CHRND: variants seen among roughly 807,000 people sequenced by gnomAD.
CHRND encodes the protein cholinergic receptor nicotinic delta subunit, also known as acetylcholine receptor subunit delta.
In CHRND, 40 loss-of-function variants were observed where a neutral mutation model predicts 57.8. The observed-to-expected ratio is 0.69, with a 90% CI of 0.54 to 0.90. The LOEUF (loss-of-function observed/expected upper bound fraction) is 0.90, where lower values mean the gene tolerates loss of function less well. Among genes scored for constraint, CHRND ranks in the 40% least tolerant of loss-of-function variants. The probability of loss-of-function intolerance (pLI) is 0.00; values close to 1 mark genes in which losing one functional copy is unlikely to be tolerated. For synonymous variants in CHRND, 237 were observed against 270.6 expected (o/e 0.88, Z 1.22); for missense variants, 634 against 673.9 (o/e 0.94, Z 0.66).
chr2:232,532,416 C>T (rs1273115515), intron 9 of CHRND, among the ~76,000 whole-genome samples: 4 of 143,428 alleles, frequency 2.8e-5, no homozygotes, highest in African/African-American at 1.0e-4. Context: ...TGCAGTGAGC[C>T]GAGATCTCAC....
rs143246852 is a variant in CHRND at position 232,534,008 on chromosome 2, G to T, written c.1125G>T (p.Val375=). Residue 375 remains valine (V), a synonymous_variant, in exon 10 of 12, where the codon GTG becomes GTT. Coordinates refer to ENST00000258385, the MANE Select transcript of CHRND (RefSeq NM_000751.3). The stretch of plus-strand genomic sequence containing the variant: ...ATGGACCCAGCCCTGGGGCCCTGGT[G>T]CGGAGGAGCAGCTCCCTGGGATACA... ...AEDGPSPGAL[V]RRSSSLGYIS... 3 of 1,613,904 alleles carry T rather than the reference G, an allele frequency of 1.9e-6. No homozygotes were observed. The highest frequency in any genetic ancestry group is 2.5e-6 in the Non-Finnish European group (3 of 1,180,058).
chr2:232,536,624 A>C lies in CHRND; in HGVS notation c.*1312A>C, dbSNP rs1332804399. On this transcript the variant is annotated 3_prime_UTR_variant, in exon 12 of 12. Transcript: ENST00000258385. ...AGTGACTCCTGGATTCCTGACCCCCAGAAACTGTGTGAGATAATAAATGTG... is the reference window on the plus strand; with the variant it reads ...AGTGACTCCTGGATTCCTGACCCCCCGAAACTGTGTGAGATAATAAATGTG... 2.7e-6 allele frequency: 1 copy of C among 365,574 alleles called. No individual in the cohort carries two copies. Among genetic ancestry groups the C allele is most frequent in the Non-Finnish European group, 5.4e-6 (1 of 185,684 alleles). 22.6% of individuals were successfully genotyped at this position (365,574 alleles called of 1,614,324 possible). A position where few individuals can be genotyped will look rare whatever the true frequency, so the allele number is the denominator to read the frequency against.
Position 232,535,417 on chromosome 2 carries a change from G to C in CHRND, c.*105G>C, listed in dbSNP as rs1156735566. 5 of 1,413,272 alleles carry C rather than the reference G, an allele frequency of 3.5e-6. No homozygotes were observed. Among genetic ancestry groups the C allele is most frequent in the African/African-American group, 1.4e-5 (1 of 70,902 alleles). The allele number at this position is 1,413,272 out of a possible 1,614,324, so 87.5% of individuals were successfully genotyped here. On this transcript the variant is annotated 3_prime_UTR_variant, in exon 12 of 12. Transcript: ENST00000258385. ...TGAGGCTCGTGCCCCTCAGACTGGG[G>C]AAGAGTCCAAGGAAGGGAGGGAGCA...
rs911897487 is a variant in CHRND, at chr2:232,536,228, C to A, written c.*916C>A. ...ACCTCCAAGATGGCCCCAGTGATGCCCAGTATTCACACCCTTGTGCAGTCC... is the reference window on the plus strand; with the variant it reads ...ACCTCCAAGATGGCCCCAGTGATGCACAGTATTCACACCCTTGTGCAGTCC... On this transcript the variant is annotated 3_prime_UTR_variant, in exon 12 of 12. Coordinates refer to ENST00000258385, the MANE Select transcript of CHRND (RefSeq NM_000751.3). 2.2e-6 allele frequency: 1 copy of A among 453,982 alleles called. No homozygotes were observed. Among genetic ancestry groups the A allele is most frequent in the Non-Finnish European group, 4.4e-6 (1 of 226,812 alleles). The allele number at this position is 453,982 out of a possible 1,614,324, so 28.1% of individuals were successfully genotyped here.
intron 6 of CHRND, 98 bp from the exon 7 acceptor site, chr2:232,529,841 G>T: frequency 7.5e-7 from 1 of 1,333,812 alleles, no homozygotes; most frequent in Non-Finnish European, 1.0e-6. Context: ...CTGCGTCTCT[G>T]GACTGGCTTG....
Position 232,528,963 on chromosome 2 carries a change from G to C in CHRND, c.611G>C (p.Gly204Ala). The change falls in exon 6 of 12, where the codon GGC becomes GCC. Residue 204 changes from glycine (G) to alanine (A), a missense_variant. Coordinates refer to ENST00000258385, the MANE Select transcript of CHRND (RefSeq NM_000751.3). ...PVEWIIIDPEGFTENGEWEIV... is the reference protein window; with the variant it reads ...PVEWIIIDPEAFTENGEWEIV... ...GAGTGGATCATCATTGATCCTGAAG[G>C]CTTCACAGGTGCTGGGAACAGCCGC... is the stretch of plus-strand genomic sequence containing the variant. 1 of 1,613,780 alleles carries C rather than the reference G, an allele frequency of 6.2e-7. No homozygotes were observed. Among genetic ancestry groups the C allele is most frequent in the Non-Finnish European group, 8.5e-7 (1 of 1,179,802 alleles).
rs1249770950 is a variant in CHRND at position 232,530,037 on chromosome 2, C to T, written c.718C>T (p.Leu240Phe). ...CAGCCGCCAGGACATCACCTTCTACCTCATCATCCGCCGCAAGCCCCTCTT... is the reference window on the plus strand; with the variant it reads ...CAGCCGCCAGGACATCACCTTCTACTTCATCATCCGCCGCAAGCCCCTCTT... ...SPSRQDITFYLIIRRKPLFYI... is the reference protein window; with the variant it reads ...SPSRQDITFYFIIRRKPLFYI... The change falls in exon 7 of 12, where the codon CTC (leucine) becomes TTC (phenylalanine). Residue 240 changes from leucine to phenylalanine, a missense_variant. Physicochemically the swap from Leu to Phe is conservative, Grantham distance 22 (BLOSUM62 0). Transcript: ENST00000258385. 1.7e-5 allele frequency: 27 copies of T among 1,614,026 alleles called. No homozygotes were observed. The highest frequency in any genetic ancestry group is 2.3e-5 in the Non-Finnish European group (27 of 1,180,034).
In CHRND at chr2:232,526,168, G is replaced by A. The variant is rs367844338; in HGVS notation, c.-48G>A. On this transcript the variant is annotated 5_prime_UTR_variant, in exon 1 of 12. Transcript: ENST00000258385. ...CTCTCCCGCCCACCCTCATTCCACAGCCCTGTAGACAGGAGGGGCAGATGC... is the reference window on the plus strand; with the variant it reads ...CTCTCCCGCCCACCCTCATTCCACAACCCTGTAGACAGGAGGGGCAGATGC... The A allele has an allele frequency of 1.8e-5, 23 of 1,284,356 alleles. No individual in the cohort carries two copies. In the African/African-American group the frequency reaches 3.2e-4, roughly 18 times the overall value. The allele number at this position is 1,284,356 out of a possible 1,614,324, so 79.6% of individuals were successfully genotyped here. A position where few individuals can be genotyped will look rare whatever the true frequency, so the allele number is the denominator to read the frequency against.
intron 1 of CHRND, 31 bp downstream of exon 1, chr2:232,526,298 TC>T: frequency 6.2e-7 from 1 of 1,604,612 alleles, no homozygotes; most frequent in Non-Finnish European, 8.5e-7. Flanking sequence ...CACCCTGGGG[TC>T]CCCCGTGATG....
chr2:232,527,343 T>A, intron 2 of CHRND, 58 bp from the exon 3 acceptor site: 2 of 1,363,562 alleles, frequency 1.5e-6, no homozygotes, highest in Non-Finnish European at 2.1e-6. Context: ...AGTGGGTGAA[T>A]GTGTGCGGAT....
chr2:232,528,955 T>A lies in CHRND; in HGVS notation c.603T>A (p.Asp201Glu). 1 of 1,614,000 alleles carries A rather than the reference T, an allele frequency of 6.2e-7. No individual in the cohort carries two copies. The highest frequency in any genetic ancestry group is 8.5e-7 in the Non-Finnish European group (1 of 1,179,946). ...RTYPVEWIII[D>E]PEGFTENGEW... Reference sequence around the variant, plus strand: ...ACCCCGTGGAGTGGATCATCATTGATCCTGAAGGCTTCACAGGTGCTGGGA... The same window carrying A: ...ACCCCGTGGAGTGGATCATCATTGAACCTGAAGGCTTCACAGGTGCTGGGA... Residue 201 changes from aspartate (D) to glutamate (E), a missense_variant, in exon 6 of 12, where the codon GAT becomes GAA. By Grantham distance (45) the Asp-to-Glu change is conservative (BLOSUM62 2). Transcript: ENST00000258385.
At chr2:232,526,295 G>T (rs766061648) in intron 1 of CHRND, 28 bp downstream of exon 1, 1 of 1,608,034 alleles carries the variant, frequency 6.2e-7, no homozygotes, top group Non-Finnish European at 8.5e-7. Context: ...CCCCACCCTG[G>T]GGTCCCCCGT....
At position 232,534,349 on chromosome 2, in the gene CHRND, G is replaced by T. The variant is rs188395796; in HGVS notation, c.1371+7G>T. On this transcript the variant is annotated splice_region_variant and intron_variant, in intron 11 of 11. Coordinates refer to ENST00000258385, the MANE Select transcript of CHRND (RefSeq NM_000751.3). ...CCAGAACAATTACAATGAGGTAAGG[G>T]ACCACAGGATTGCCATGTACAGGTG... The T allele has an allele frequency of 7.6e-4, 1,228 of 1,612,874 alleles. 3 individuals carry two copies. In the African/African-American group the frequency reaches 0.011, roughly 14 times the overall value.
rs778006115 is a variant in CHRND, at chr2:232,531,946, C to CAAAA, written c.1047+315_1047+318dup. On this transcript the variant is annotated intron_variant, in intron 9 of 11. Coordinates refer to ENST00000258385, the MANE Select transcript of CHRND (RefSeq NM_000751.3). ...TGGGCAACAGAGTGAGACCTTGTCT[C>CAAAA]AAAAAAAAAAAAAAAAAAAAAAAAA... Among the ~76,000 whole-genome samples, 23 of 46,068 alleles carry CAAAA rather than the reference C, an allele frequency of 5.0e-4. 1 individual carries two copies. Among genetic ancestry groups the CAAAA allele is most frequent in the African/African-American group, 1.9e-3 (15 of 7,710 alleles). 30.2% of individuals were successfully genotyped at this position (46,068 alleles called of 152,430 possible). A position where few individuals can be genotyped will look rare whatever the true frequency, so the allele number is the denominator to read the frequency against.
chr2:232,534,422 T>C, intron 11 of CHRND, 80 bp downstream of exon 11: 2 of 1,407,344 alleles, frequency 1.4e-6, no homozygotes, highest in Non-Finnish European at 2.0e-6. Context: ...GAGGGCAGGG[T>C]TCCCCTTAGA....
Position 232,533,831 on chromosome 2 carries a change from C to T in CHRND, c.1048-100C>T, listed in dbSNP as rs553242099. 2.7e-5 allele frequency: 33 copies of T among 1,220,310 alleles called. No individual in the cohort carries two copies. The East Asian group carries it at 4.4e-4, about 16-fold the overall frequency. The allele number at this position is 1,220,310 out of a possible 1,614,324, so 75.6% of individuals were successfully genotyped here. ...GGTGGAGGTTGCAGTGAGCCGAGAT[C>T]GCGCCACTGCACTCCAGCCTGGTGA... On this transcript the variant is annotated intron_variant, in intron 9 of 11. Coordinates refer to ENST00000258385, the MANE Select transcript of CHRND (RefSeq NM_000751.3).
chr2:232,528,216 C>A (rs1691553848), intron 3 of CHRND, 46 bp from the exon 4 acceptor site: 6 of 1,575,078 alleles, frequency 3.8e-6, no homozygotes, highest in South Asian at 1.1e-5. Context: ...AGCCAGGAGC[C>A]TGGATGGCTG....
Position 232,535,375 on chromosome 2 carries a change from A to G in CHRND, c.*63A>G. 1 of 1,584,032 alleles carries G rather than the reference A, an allele frequency of 6.3e-7. No homozygotes were observed. The highest frequency in any genetic ancestry group is 8.6e-7 in the Non-Finnish European group (1 of 1,163,424). ...GAGAGAGGAGCCACAGTCCCTAATG[A>G]CACCCACTCCTAGCCCTGAGGCTCG... On this transcript the variant is annotated 3_prime_UTR_variant, in exon 12 of 12. Coordinates refer to ENST00000258385, the MANE Select transcript of CHRND (RefSeq NM_000751.3).
chr2:232,527,323 A>AGT, intron 2 of CHRND, 78 bp from the exon 3 acceptor site: 1 of 1,259,418 alleles, frequency 7.9e-7, no homozygotes, highest in Non-Finnish European at 1.2e-6. Context: ...AGAGAGAGAG[A>AGT]GAGAGAGAGA....
Sources: gnomAD v4.1 joint callset for allele counts (sites outside exome capture counted in the v4.1 genomes callset) on GRCh38, gnomAD v4.1.1 for gene constraint, MANE v1.5 for transcripts, NCBI Gene and HGNC (gene_info 2026-07-23, HGNC 2026-07-21) for gene names.